Variants in HSP90B1 observed in about 807,000 individuals in gnomAD.
HSP90B1 encodes endoplasmin.
A neutral mutation model predicts 100.4 loss-of-function variants in HSP90B1; 27 were observed. That is an observed-to-expected ratio of 0.27 (90% CI 0.20 to 0.37). The LOEUF (loss-of-function observed/expected upper bound fraction) is 0.37. HSP90B1 is among the 10% of genes least tolerant of loss of function. The pLI, the probability that HSP90B1 is intolerant of heterozygous loss-of-function variation, is 1.00. For missense variants in HSP90B1, 678 were observed against 960.5 expected (o/e 0.71, Z 3.89); for synonymous variants, 304 against 330.8 (o/e 0.92, Z 0.88).
At chr12:103,945,269 C>G (rs1187200653) in intron 14 of HSP90B1, among the ~76,000 whole-genome samples, 1 of 152,084 alleles carries the variant, frequency 6.6e-6, no homozygotes, top group Non-Finnish European at 1.5e-5. Context: ...GCATTGCACT[C>G]TAGCTCTAGC....
At chr12:103,946,519 T>TA in intron 14 of HSP90B1, 99 bp from the exon 15 acceptor site, 1 of 826,068 alleles carries the variant, frequency 1.2e-6, no homozygotes, top group South Asian at 1.6e-5. Context: ...TTTTTTTTTT[T>TA]ACCAAGAGTT....
chr12:103,937,762 T>A lies in HSP90B1; in HGVS notation c.811T>A (p.Tyr271Asn). The change falls in exon 6 of 18, where the codon TAT becomes AAT. Residue 271 changes from tyrosine to asparagine, a missense_variant. Physicochemically the swap from Tyr to Asn is moderately radical, Grantham distance 143. Around this residue, in one of 8 missense-constraint regions of HSP90B1, gnomAD observed 238 missense variants for 346.7 expected, o/e 0.69. Transcript: ENST00000299767. ...LDTIKNLVKK[Y>N]SQFINFPIYV... Reference sequence around the variant, plus strand: ...TACAATTAAAAATCTCGTCAAAAAATATTCACAGTTCATAAACTTTCCTAT... The same window carrying A: ...TACAATTAAAAATCTCGTCAAAAAAAATTCACAGTTCATAAACTTTCCTAT... 3 of 1,588,904 alleles carry A rather than the reference T, an allele frequency of 1.9e-6. No individual in the cohort carries two copies. Among genetic ancestry groups the A allele is most frequent in the Non-Finnish European group, 2.6e-6 (3 of 1,158,380 alleles).
At position 103,939,770 on chromosome 12, in the gene HSP90B1, CT is replaced by C. The variant is rs2136215461; in HGVS notation, c.1092+148del. The C allele has an allele frequency of 6.3e-6, 3 of 476,872 alleles. No individual in the cohort carries two copies. The East Asian group carries it at 1.1e-4, about 17-fold the overall frequency. 29.5% of individuals were successfully genotyped at this position (476,872 alleles called of 1,614,324 possible). ...CCAGTGAGAAAATTCAAAAAAAGACCTTTAGGCCAACTATAATATGTCTACT... is the reference window on the plus strand; with the variant it reads ...CCAGTGAGAAAATTCAAAAAAAGACCTTAGGCCAACTATAATATGTCTACT... On this transcript the variant is annotated intron_variant, in intron 8 of 17. Transcript: ENST00000299767.
intron 5 of HSP90B1, among the ~76,000 whole-genome samples, chr12:103,934,635 T>C (rs1653680920): frequency 1.3e-5 from 2 of 152,214 alleles, no homozygotes; most frequent in Admixed American, 6.5e-5. Context: ...CATGGAGGCA[T>C]AGCATGCTCA....
intron 14 of HSP90B1, among the ~76,000 whole-genome samples, chr12:103,944,568 T>C (rs1249616478): frequency 1.3e-5 from 2 of 151,974 alleles, no homozygotes; most frequent in Non-Finnish European, 2.9e-5. Flanking sequence ...CTTTTTTTTT[T>C]TCCCCCGAGA....
intron 14 of HSP90B1, among the ~76,000 whole-genome samples, chr12:103,945,001 C>T (rs1229298693): frequency 6.6e-6 from 1 of 152,154 alleles, no homozygotes; most frequent in Non-Finnish European, 1.5e-5. Context: ...AGTACAAGGG[C>T]CATTTAAAAC....
chr12:103,946,669 G>A lies in HSP90B1; in HGVS notation c.2079G>A (p.Leu693=), dbSNP rs746712723. 1.2e-6 allele frequency: 2 copies of A among 1,614,058 alleles called. No individual in the cohort carries two copies. ...KTFEINPRHP[L]IRDMLRRIKE... is the part of the protein sequence containing the mutation. ...TTGAAATTAATCCCAGACACCCGCT[G>A]ATCAGAGACATGCTTCGACGAATTA... Residue 693 remains leucine (L), a synonymous_variant, in exon 15 of 18, where the codon CTG becomes CTA. Transcript: ENST00000299767.
intron 5 of HSP90B1, among the ~76,000 whole-genome samples, chr12:103,936,611 T>G (rs1234907753): frequency 8.4e-6 from 1 of 118,550 alleles, no homozygotes; most frequent in African/African-American, 3.3e-5. Flanking sequence ...CACGCCTGGG[T>G]GACAGAGGTC....
Position 103,937,743 on chromosome 12 carries a change from T to C in HSP90B1, c.792T>C (p.Ile264=). ...EASDYLELDT[I]KNLVKKYSQF... ...CTGATTACCTTGAATTGGATACAAT[T>C]AAAAATCTCGTCAAAAAATATTCAC... The change falls in exon 6 of 18, where the codon ATT becomes ATC. Residue 264 remains isoleucine (I), a synonymous_variant. Coordinates refer to ENST00000299767, the MANE Select transcript of HSP90B1 (RefSeq NM_003299.3). The C allele has an allele frequency of 6.2e-7, 1 of 1,601,332 alleles. No individual in the cohort carries two copies. The highest frequency in any genetic ancestry group is 8.6e-7 in the Non-Finnish European group (1 of 1,169,492).
In HSP90B1 at chr12:103,938,269, T is replaced by C. The variant is rs1024690071; in HGVS notation, c.856-71T>C. ...ACCTATTTTTTGACCTGTAATGTTA[T>C]ATCATATTCTGTAGACAAAATCAGA... On this transcript the variant is annotated intron_variant, in intron 6 of 17. Transcript: ENST00000299767. 6.5e-6 allele frequency: 9 copies of C among 1,377,266 alleles called. No homozygotes were observed. The African/African-American group carries it at 8.9e-5, about 14-fold the overall frequency. 85.3% of individuals were successfully genotyped at this position (1,377,266 alleles called of 1,614,324 possible). A position where few individuals can be genotyped will look rare whatever the true frequency, so the allele number is the denominator to read the frequency against.
chr12:103,946,353 CTG>C (rs1345865074), intron 14 of HSP90B1, among the ~76,000 whole-genome samples: 2 of 152,130 alleles, frequency 1.3e-5, no homozygotes, highest in Non-Finnish European at 2.9e-5. Flanking sequence ...AGTGGGAGCT[CTG>C]TGTGTGTGGA....
intron 11 of HSP90B1, among the ~76,000 whole-genome samples, 164 bp downstream of exon 11, chr12:103,942,061 T>C (rs571953961): frequency 6.6e-6 from 1 of 152,254 alleles, no homozygotes; most frequent in South Asian, 2.1e-4. Context: ...TGATTCTTTT[T>C]CTCCCAACAT....
chr12:103,930,484 G>C lies in HSP90B1; in HGVS notation c.-32G>C. 2 of 1,588,102 alleles carry C rather than the reference G, an allele frequency of 1.3e-6. No homozygotes were observed. The highest frequency in any genetic ancestry group is 1.1e-5 in the South Asian group (1 of 88,532). ...GGGGGTGGAGGCGGCTCCTGCGATC[G>C]AAGGGGACTTGAGACTCACCGGCCG... is the stretch of plus-strand genomic sequence containing the variant. On this transcript the variant is annotated 5_prime_UTR_variant, in exon 1 of 18. Coordinates refer to ENST00000299767, the MANE Select transcript of HSP90B1 (RefSeq NM_003299.3). This position sits in a 1 kb window ranked among gnomAD's most constrained non-coding sequence, Gnocchi z 4.4.
rs1869959404 is a variant in HSP90B1, at chr12:103,937,809, A to G, written c.855+3A>G. On this transcript the variant is annotated splice_donor_region_variant and intron_variant, in intron 6 of 17. Coordinates refer to ENST00000299767, the MANE Select transcript of HSP90B1 (RefSeq NM_003299.3). ...CTATTTATGTATGGAGCAGCAAGGT[A>G]AATCTATATTGATTAAAAACTTATA... 2 of 1,365,892 alleles carry G rather than the reference A, an allele frequency of 1.5e-6. No individual in the cohort carries two copies. Among genetic ancestry groups the G allele is most frequent in the Non-Finnish European group, 1.0e-6 (1 of 962,246 alleles). The allele number at this position is 1,365,892 out of a possible 1,614,324, so 84.6% of individuals were successfully genotyped here. A position where few individuals can be genotyped will look rare whatever the true frequency, so the allele number is the denominator to read the frequency against.
intron 10 of HSP90B1, 27 bp downstream of exon 10, chr12:103,941,733 G>A: frequency 6.2e-7 from 1 of 1,608,916 alleles, no homozygotes; most frequent in Non-Finnish European, 8.5e-7. Flanking sequence ...TGGGAGAAGG[G>A]GTGATTGTTG....
At chr12:103,945,665 A>C (rs539851097) in intron 14 of HSP90B1, among the ~76,000 whole-genome samples, 1 of 152,298 alleles carries the variant, frequency 6.6e-6, no homozygotes, top group Admixed American at 6.5e-5. Context: ...ACAGGACATT[A>C]AATCAGTTCG....
At chr12:103,936,300 A>G (rs753253063) in intron 5 of HSP90B1, among the ~76,000 whole-genome samples, 1 of 152,196 alleles carries the variant, frequency 6.6e-6, no homozygotes, top group Non-Finnish European at 1.5e-5. Context: ...ATGGTCTGTC[A>G]CATGTCCCAA....
intron 8 of HSP90B1, among the ~76,000 whole-genome samples, 156 bp from the exon 9 acceptor site, chr12:103,941,254 C>A (rs1165218057): frequency 1.3e-5 from 2 of 152,114 alleles, no homozygotes; most frequent in Non-Finnish European, 1.5e-5. Context: ...CTCTTCCCCC[C>A]ACCCTTTTCT....
Position 103,943,829 on chromosome 12 carries a change from T to C in HSP90B1, c.1982T>C (p.Ile661Thr). Residue 661 changes from isoleucine (I) to threonine (T), a missense_variant, in exon 14 of 18, where the codon ATC becomes ACC. Coordinates refer to ENST00000299767, the MANE Select transcript of HSP90B1 (RefSeq NM_003299.3). The surrounding 1 kb of genome is among the most constrained non-coding windows in gnomAD (Gnocchi z 5.3). Reference sequence around the variant, plus strand: ...GGATGGTCTGGCAACATGGAGAGAATCATGAAAGCACAAGCGTACCAAACG... The same window carrying C: ...GGATGGTCTGGCAACATGGAGAGAACCATGAAAGCACAAGCGTACCAAACG... ...QYGWSGNMER[I>T]MKAQAYQTGK... The C allele has an allele frequency of 1.9e-6, 3 of 1,614,058 alleles. No homozygotes were observed. Among genetic ancestry groups the C allele is most frequent in the Non-Finnish European group, 2.5e-6 (3 of 1,179,990 alleles).
Sources: allele counts gnomAD v4.1 joint callset (sites outside exome capture counted in the v4.1 genomes callset), GRCh38; gene constraint gnomAD v4.1.1; regional missense constraint gnomAD v4.1.1; non-coding constraint Gnocchi (gnomAD v3.1); transcripts MANE v1.5; gene names NCBI Gene and HGNC (gene_info 2026-07-23, HGNC 2026-07-21).